LYPD6B: variants seen among roughly 807,000 people sequenced by gnomAD.
LYPD6B encodes the protein LY6/PLAUR domain containing 6B.
Under a neutral mutation model 22.8 loss-of-function variants are expected in LYPD6B, and 17 were observed. The observed-to-expected ratio is 0.75, with a 90% CI of 0.51 to 1.12. The LOEUF (loss-of-function observed/expected upper bound fraction) is 1.12, where lower values mean the gene tolerates loss of function less well. Ranked by LOEUF, LYPD6B falls within the 50% of genes most tolerant of loss-of-function variation. The probability of loss-of-function intolerance (pLI) is 0.00; values close to 1 mark genes in which losing one functional copy is unlikely to be tolerated. For missense variants in LYPD6B, 221 were observed against 258.3 expected, an observed-to-expected ratio of 0.86 and a Z score of 0.99; for synonymous variants, 106 against 91.6, an observed-to-expected ratio of 1.16 and a Z score of -0.90.
At chr2:149,131,015 C>T in intron 2 of LYPD6B, 62 bp downstream of exon 2, 3 of 1,169,224 alleles carry the variant, frequency 2.6e-6, no homozygotes, top group Non-Finnish European at 3.8e-6. Flanking sequence ...TAAATGCTTA[C>T]CACATGAGCT....
intron 1 of LYPD6B, among the ~76,000 whole-genome samples, chr2:149,085,539 A>AT (rs1396485453): frequency 2.0e-5 from 3 of 152,202 alleles, no homozygotes; most frequent in Non-Finnish European, 4.4e-5. Context: ...GAGTTAGGTA[A>AT]TTGACAAGTT....
At chr2:149,110,291 G>A (rs1009546445) in intron 1 of LYPD6B, among the ~76,000 whole-genome samples, 12 of 151,938 alleles carry the variant, frequency 7.9e-5, no homozygotes, top group Non-Finnish European at 1.5e-4. Context: ...TCTAACATCT[G>A]TATCTGTTCT....
intron 1 of LYPD6B, among the ~76,000 whole-genome samples, chr2:149,058,191 A>C (rs1683897893): frequency 1.3e-5 from 2 of 152,238 alleles, no homozygotes; most frequent in African/African-American, 4.8e-5. Flanking sequence ...TAAATGCGTG[A>C]TTTTCCAACC....
chr2:149,156,350 G>C lies in LYPD6B; in HGVS notation c.6-4414G>C, dbSNP rs745521372. 4.1e-3 allele frequency among the ~76,000 whole-genome samples: 622 copies of C among 152,312 alleles called. 4 individuals are homozygous for C. Among genetic ancestry groups the C allele is most frequent in the Non-Finnish European group, 7.0e-3 (473 of 68,020 alleles). On this transcript the variant is annotated intron_variant, in intron 2 of 6. Coordinates refer to ENST00000409642, the MANE Select transcript of LYPD6B (RefSeq NM_177964.5). Reference sequence around the variant, plus strand: ...CAGTGAGGTCCTTGAGTAGGTCACAGAGTGTCCCCGTGACCTTTCCAGACT... The same window carrying C: ...CAGTGAGGTCCTTGAGTAGGTCACACAGTGTCCCCGTGACCTTTCCAGACT...
chr2:149,195,184 C>T (rs933727567), intron 3 of LYPD6B, among the ~76,000 whole-genome samples: 2 of 152,106 alleles, frequency 1.3e-5, no homozygotes, highest in Non-Finnish European at 2.9e-5. Flanking sequence ...GACCTTCAGC[C>T]CATCTCCAAA....
chr2:149,186,221 C>A (rs1479331988), intron 3 of LYPD6B, among the ~76,000 whole-genome samples: 1 of 152,194 alleles, frequency 6.6e-6, no homozygotes, highest in African/African-American at 2.4e-5. Context: ...GGGAGAAGTT[C>A]TTGAAGGAAA....
chr2:149,090,192 A>G (rs12692719), intron 1 of LYPD6B, among the ~76,000 whole-genome samples: 84,382 of 152,126 alleles, frequency 0.55, 24,146 homozygotes, highest in Admixed American at 0.65. Context: ...GATATCCTTA[A>G]GAAAGACTTT....
At chr2:149,148,572 G>T (rs1260393081) in intron 2 of LYPD6B, among the ~76,000 whole-genome samples, 1 of 152,162 alleles carries the variant, frequency 6.6e-6, no homozygotes, top group Non-Finnish European at 1.5e-5. Flanking sequence ...TACATTTTTG[G>T]CCTGTCTCTT....
intron 3 of LYPD6B, among the ~76,000 whole-genome samples, chr2:149,186,144 C>T (rs1559063455): frequency 1.3e-5 from 2 of 152,202 alleles, no homozygotes; most frequent in Admixed American, 1.3e-4. Flanking sequence ...CTGAGGAAGG[C>T]GTGTCAAAAG....
At chr2:149,052,667 C>T (rs1224025485) in intron 1 of LYPD6B, among the ~76,000 whole-genome samples, 1 of 152,186 alleles carries the variant, frequency 6.6e-6, no homozygotes, top group Non-Finnish European at 1.5e-5. Context: ...TGATGAACAC[C>T]AGCCCCACTG....
intron 1 of LYPD6B, among the ~76,000 whole-genome samples, chr2:149,108,272 T>C (rs989402500): frequency 1.3e-5 from 2 of 152,212 alleles, no homozygotes; most frequent in African/African-American, 4.8e-5. Context: ...TGTAAGTCCA[T>C]TAAACCTCTT....
chr2:149,182,546 G>C (rs781622438), intron 3 of LYPD6B, among the ~76,000 whole-genome samples: 2 of 152,178 alleles, frequency 1.3e-5, no homozygotes, highest in African/African-American at 4.8e-5. Context: ...AAGAAGCAGC[G>C]TAAATAAGTT....
chr2:149,140,256 A>G (rs776299196), intron 2 of LYPD6B, among the ~76,000 whole-genome samples: 7 of 152,214 alleles, frequency 4.6e-5, no homozygotes, highest in Non-Finnish European at 8.8e-5. Flanking sequence ...TTTCTTGGTC[A>G]GTGCTGGTGA....
At chr2:149,200,413 C>A (rs1390507420) in intron 3 of LYPD6B, among the ~76,000 whole-genome samples, 1 of 152,078 alleles carries the variant, frequency 6.6e-6, no homozygotes, top group Non-Finnish European at 1.5e-5. Flanking sequence ...TTTTGTCTTG[C>A]TTACTAGCTA....
At chr2:149,091,881 G>T (rs558749090) in intron 1 of LYPD6B, among the ~76,000 whole-genome samples, 6 of 152,260 alleles carry the variant, frequency 3.9e-5, no homozygotes, top group Non-Finnish European at 7.4e-5. Context: ...CAGTTTTGAG[G>T]ACTACTGCTA....
intron 1 of LYPD6B, among the ~76,000 whole-genome samples, chr2:149,085,199 A>T (rs1685332836): frequency 6.6e-6 from 1 of 152,148 alleles, no homozygotes; most frequent in Non-Finnish European, 1.5e-5. Context: ...CACATCTCAG[A>T]CTTGCCAGAG....
At chr2:149,159,062 T>G (rs933976737) in intron 2 of LYPD6B, among the ~76,000 whole-genome samples, 7 of 152,232 alleles carry the variant, frequency 4.6e-5, no homozygotes, top group African/African-American at 1.4e-4. Flanking sequence ...TTATGTTTTT[T>G]TTTCCTTGCC....
chr2:149,161,059 C>G (rs1488284353), intron 3 of LYPD6B, among the ~76,000 whole-genome samples: 1 of 152,142 alleles, frequency 6.6e-6, no homozygotes, highest in African/African-American at 2.4e-5. Context: ...AAAGGGGAGT[C>G]CCCATGCTCA....
At chr2:149,180,506 C>G (rs1691638966) in intron 3 of LYPD6B, among the ~76,000 whole-genome samples, 2 of 152,168 alleles carry the variant, frequency 1.3e-5, no homozygotes, top group African/African-American at 4.8e-5. Flanking sequence ...CTTAGCCCCC[C>G]AGAGGAGACT....
Sources: gnomAD v4.1 joint callset for allele counts (sites outside exome capture counted in the v4.1 genomes callset) on GRCh38, gnomAD v4.1.1 for gene constraint, MANE v1.5 for transcripts, NCBI Gene and HGNC (gene_info 2026-07-23, HGNC 2026-07-21) for gene names.